EIF3B: variants seen among roughly 807,000 people sequenced by gnomAD.
EIF3B encodes eukaryotic translation initiation factor 3 subunit B.
Under a neutral mutation model 104.6 loss-of-function variants are expected in EIF3B, and 10 were observed. That is an observed-to-expected ratio of 0.10 (90% CI 0.06 to 0.16). The LOEUF is 0.16. EIF3B is among the 10% of genes least tolerant of loss of function. EIF3B has a pLI of 1.00. For missense variants in EIF3B, 1,014 were observed against 1,087.9 expected (o/e 0.93, Z 0.96); for synonymous variants, 542 against 417.2 (o/e 1.30, Z -3.65).
At chr7:2,367,097 A>G in intron 9 of EIF3B, 52 bp downstream of exon 9, 1 of 1,290,326 alleles carries the variant, frequency 7.7e-7, no homozygotes, top group East Asian at 2.7e-5. Flanking sequence ...TGCTTAACAC[A>G]ATACCAAAAA....
At chr7:2,367,382 G>A (rs765067540) in intron 9 of EIF3B, among the ~76,000 whole-genome samples, 3 of 152,098 alleles carry the variant, frequency 2.0e-5, no homozygotes, top group African/African-American at 7.2e-5. Context: ...CACCCCAGGG[G>A]GTTAGAATTT....
intron 1 of EIF3B, among the ~76,000 whole-genome samples, chr7:2,355,882 C>T (rs1779399394): frequency 6.6e-6 from 1 of 152,202 alleles, no homozygotes; most frequent in South Asian, 2.1e-4. Context: ...ATTTTGTCCT[C>T]CTGCCCCTCA....
At chr7:2,378,630 T>C (rs1780822112) in intron 15 of EIF3B, 59 bp from the exon 16 acceptor site, 2 of 1,496,312 alleles carry the variant, frequency 1.3e-6, no homozygotes, top group African/African-American at 2.8e-5. Context: ...ACTCTGAAGA[T>C]TGCATTTGTG....
upstream of EIF3B, among the ~76,000 whole-genome samples, chr7:2,354,572 AG>A (rs969566374): frequency 6.6e-6 from 1 of 152,136 alleles, no homozygotes; most frequent in Admixed American, 6.5e-5. Context: ...GGGAAAGGAA[AG>A]GGGGAGGACG....
chr7:2,360,697 C>T lies in EIF3B; in HGVS notation c.500-13C>T. The T allele has an allele frequency of 6.4e-7, 1 of 1,561,116 alleles. No individual in the cohort carries two copies. Among genetic ancestry groups the T allele is most frequent in the East Asian group, 2.3e-5 (1 of 43,776 alleles). ...TGGTAAAAATGATCATTTGAAAAAT[C>T]TCTCTTGTTCAGAATTACTGGGAGA... On this transcript the variant is annotated splice_polypyrimidine_tract_variant and intron_variant, in intron 1 of 18. Transcript: ENST00000360876.
At chr7:2,372,384 G>A (rs568633188) in intron 11 of EIF3B, among the ~76,000 whole-genome samples, 17 of 152,286 alleles carry the variant, frequency 1.1e-4, no homozygotes, top group African/African-American at 3.8e-4. Context: ...CGAGGGAAGC[G>A]GCATCCACAG....
In EIF3B at chr7:2,366,250, C is replaced by A. The variant is rs2286204; in HGVS notation, c.1158-67C>A. The stretch of plus-strand genomic sequence containing the variant: ...CGCGAGTTCTGACGGCGTGTTCTGG[C>A]CGCACAGACAGACTGTGATCCTCTC... On this transcript the variant is annotated intron_variant, in intron 6 of 18. Coordinates refer to ENST00000360876, the MANE Select transcript of EIF3B (RefSeq NM_001037283.2). 751,813 of 1,489,886 alleles carry A rather than the reference C, an allele frequency of 0.5. 198,428 individuals are homozygous for A. Among genetic ancestry groups the A allele is most frequent in the East Asian group, 0.75 (32,040 of 42,802 alleles). 92.3% of individuals were successfully genotyped at this position (1,489,886 alleles called of 1,614,324 possible).
chr7:2,367,588 A>G (rs141562980), intron 9 of EIF3B, among the ~76,000 whole-genome samples: 2 of 151,476 alleles, frequency 1.3e-5, no homozygotes, highest in African/African-American at 2.4e-5. Context: ...TTCTGCCTCA[A>G]CCTCCCGAGT....
intron 2 of EIF3B, among the ~76,000 whole-genome samples, chr7:2,361,775 T>C (rs1031354179): frequency 6.6e-6 from 1 of 151,616 alleles, no homozygotes; most frequent in Non-Finnish European, 1.5e-5. Context: ...TACTTTTAAG[T>C]TTTTTTTGTT....
At chr7:2,370,592 GAGTGGTGAACTGGTTC>G (rs1438099959) in intron 10 of EIF3B, among the ~76,000 whole-genome samples, 1 of 152,132 alleles carries the variant, frequency 6.6e-6, no homozygotes, top group Non-Finnish European at 1.5e-5. Context: ...CACCCCTTTA[GAGTGGTGAACTGGTTC>G]AGTGGTTTTT....
rs763850627 is a variant in EIF3B at position 2,355,325 on chromosome 7, C to A, written c.404C>A (p.Ala135Glu). The A allele has an allele frequency of 6.5e-7, 1 of 1,540,176 alleles. No homozygotes were observed. The highest frequency in any genetic ancestry group is 2.4e-5 in the East Asian group (1 of 41,276). The change falls in exon 1 of 19, where the codon GCG (alanine) becomes GAG (glutamate). Residue 135 changes from alanine (A) to glutamate (E), a missense_variant. Physicochemically the swap from Ala to Glu is moderately radical, Grantham distance 107 (BLOSUM62 -1). Transcript: ENST00000360876. The stretch of plus-strand genomic sequence containing the variant: ...GACGCGGGAGGAAACGAGGGCAGAG[C>A]GGCCGAGGCCGAACCCCGGGCGCTG... ...SEDAGGNEGRAAEAEPRALEN... is the reference protein window; with the variant it reads ...SEDAGGNEGREAEAEPRALEN...
intron 10 of EIF3B, among the ~76,000 whole-genome samples, chr7:2,370,067 G>A (rs1305510412): frequency 3.3e-5 from 5 of 152,076 alleles, no homozygotes; most frequent in African/African-American, 4.8e-5. Context: ...GTGAGCCACC[G>A]TGCCTGGCTG....
chr7:2,363,175 G>C, intron 4 of EIF3B, 48 bp downstream of exon 4: 4 of 1,574,112 alleles, frequency 2.5e-6, no homozygotes, highest in Non-Finnish European at 8.7e-7. Flanking sequence ...AAATGCTGCT[G>C]GGTGTGGTGG....
chr7:2,369,135 T>C (rs982385615), intron 9 of EIF3B, among the ~76,000 whole-genome samples: 1 of 152,192 alleles, frequency 6.6e-6, no homozygotes, highest in Non-Finnish European at 1.5e-5. Flanking sequence ...AGCCTAAAAC[T>C]TATTTGCCTC....
chr7:2,369,743 A>AAT, intron 10 of EIF3B, 61 bp downstream of exon 10: 1 of 673,484 alleles, frequency 1.5e-6, no homozygotes, highest in Non-Finnish European at 2.5e-6. Flanking sequence ...TGGCCACCGT[A>AAT]TTGTTTGGAG....
chr7:2,374,580 G>A lies in EIF3B; in HGVS notation c.1863G>A (p.Gln621=). 4 of 1,614,106 alleles carry A rather than the reference G, an allele frequency of 2.5e-6. No homozygotes were observed. Among genetic ancestry groups the A allele is most frequent in the South Asian group, 1.1e-5 (1 of 91,080 alleles). ...ANTIFWSPQG[Q]FVVLAGLRSM... is the part of the protein sequence containing the mutation. ...CCATCTTCTGGAGCCCCCAAGGACAGTTCGTGGTGTTGGCGGGCCTGAGGA... is the reference window on the plus strand; with the variant it reads ...CCATCTTCTGGAGCCCCCAAGGACAATTCGTGGTGTTGGCGGGCCTGAGGA... The change falls in exon 13 of 19, where the codon CAG becomes CAA. Residue 621 remains glutamine (Q), a synonymous_variant. Transcript: ENST00000360876.
chr7:2,359,532 C>T (rs1402044642), intron 1 of EIF3B, among the ~76,000 whole-genome samples: 1 of 152,192 alleles, frequency 6.6e-6, no homozygotes, highest in African/African-American at 2.4e-5. Context: ...GCTTCTCCTC[C>T]ATCTGCCTTT....
At chr7:2,374,460 C>A in intron 12 of EIF3B, 68 bp from the exon 13 acceptor site, 1 of 1,515,208 alleles carries the variant, frequency 6.6e-7, no homozygotes, top group Middle Eastern at 1.8e-4. Context: ...GCCAAGTCCT[C>A]CAGCCTTGGC....
chr7:2,379,183 G>T lies in EIF3B; in HGVS notation c.2282G>T (p.Arg761Leu), dbSNP rs768402273. 3.1e-6 allele frequency: 5 copies of T among 1,613,954 alleles called. No individual in the cohort carries two copies. The highest frequency in any genetic ancestry group is 3.3e-5 in the Admixed American group (2 of 59,988). The change falls in exon 17 of 19, where the codon CGG becomes CTG. Residue 761 changes from arginine to leucine, a missense_variant. Around this residue, in one of 4 missense-constraint regions of EIF3B, gnomAD observed 266 missense variants for 324.0 expected, o/e 0.82. Coordinates refer to ENST00000360876, the MANE Select transcript of EIF3B (RefSeq NM_001037283.2). ...ATGATGGAAGATTTCCGGAAGTACCGGAAAATGGCCCAGGAGCTCTATATG... is the reference window on the plus strand; with the variant it reads ...ATGATGGAAGATTTCCGGAAGTACCTGAAAATGGCCCAGGAGCTCTATATG... ...RTMMEDFRKY[R>L]KMAQELYMEQ...
Sources: gnomAD v4.1 joint callset for allele counts (sites outside exome capture counted in the v4.1 genomes callset) on GRCh38, gnomAD v4.1.1 for gene constraint, gnomAD v4.1.1 regional missense constraint, MANE v1.5 for transcripts, NCBI Gene and HGNC (gene_info 2026-07-23, HGNC 2026-07-21) for gene names.